The following CPSF4 variants were observed in gnomAD, a reference collection of about 807,000 sequenced individuals.
CPSF4 encodes the protein cleavage and polyadenylation specific factor 4.
In CPSF4, 11 loss-of-function variants were observed where a neutral mutation model predicts 37.7. The observed-to-expected ratio is 0.29, with a 90% CI of 0.18 to 0.48. CPSF4 has a LOEUF of 0.48. Ranked by LOEUF, CPSF4 falls within the 20% of genes least tolerant of loss-of-function variation. The pLI is 0.99. For missense variants in CPSF4, 144 were observed against 359.5 expected (o/e 0.40, Z 4.85); for synonymous variants, 132 against 135.9 (o/e 0.97, Z 0.20).
intron 4 of CPSF4, 44 bp downstream of exon 4, chr7:99,450,415 T>C: frequency 7.2e-7 from 1 of 1,389,704 alleles, no homozygotes; most frequent in African/African-American, 1.4e-5. Flanking sequence ...AAGCCAGTCC[T>C]CCCTTCTCTG....
intron 1 of CPSF4, among the ~76,000 whole-genome samples, chr7:99,440,674 ATTTTTTTTTTTTT>A (rs1195402168): frequency 1.1e-5 from 1 of 88,128 alleles, no homozygotes; most frequent in African/African-American, 9.7e-5. Context: ...ATATATATAT[ATTTTTTTTTTTTT>A]TTTTTTCCTG....
chr7:99,452,763 C>T, intron 6 of CPSF4: 1 of 301,804 alleles, frequency 3.3e-6, no homozygotes, highest in Non-Finnish European at 6.3e-6. Context: ...GGAGGGCGGC[C>T]TGGGCACCGT....
Position 99,439,205 on chromosome 7 carries a change from G to A in CPSF4, c.103+20G>A. 1 of 1,572,002 alleles carries A rather than the reference G, an allele frequency of 6.4e-7. No individual in the cohort carries two copies. The highest frequency in any genetic ancestry group is 8.6e-7 in the Non-Finnish European group (1 of 1,160,082). On this transcript the variant is annotated intron_variant, in intron 1 of 7. Coordinates refer to ENST00000292476, the MANE Select transcript of CPSF4 (RefSeq NM_006693.4). ...TGGACAGTGAGCGCGGGGCCCGGGC[G>A]GGAGGGCAAGAGCGACTCGAACCCG...
At chr7:99,449,648 G>A (rs2151003306) in intron 3 of CPSF4, among the ~76,000 whole-genome samples, 1 of 152,360 alleles carries the variant, frequency 6.6e-6, no homozygotes, top group South Asian at 2.1e-4. Context: ...TCACTCTTGT[G>A]GTCCAGGGAA....
Position 99,442,968 on chromosome 7 carries a change from A to G in CPSF4, c.104-1821A>G, listed in dbSNP as rs1331610168. 3.1e-6 allele frequency: 5 copies of G among 1,594,408 alleles called. No individual in the cohort carries two copies. The East Asian group carries it at 6.7e-5, about 21-fold the overall frequency. On this transcript the variant is annotated intron_variant, in intron 1 of 7. Coordinates refer to ENST00000292476, the MANE Select transcript of CPSF4 (RefSeq NM_006693.4). ...TCCAGTTCCAGCTGAACTTGTGACAATCCCAAATCGCTCCTTCCTCTTTTT... is the reference window on the plus strand; with the variant it reads ...TCCAGTTCCAGCTGAACTTGTGACAGTCCCAAATCGCTCCTTCCTCTTTTT...
chr7:99,447,291 A>G (rs149068859), intron 2 of CPSF4, among the ~76,000 whole-genome samples: 1,581 of 136,154 alleles, frequency 0.012, 25 homozygotes, highest in Admixed American at 0.021. Flanking sequence ...TTTTTGAGAC[A>G]GAGTTTTGTT....
chr7:99,439,996 C>A (rs1227569600), intron 1 of CPSF4, among the ~76,000 whole-genome samples: 1 of 152,196 alleles, frequency 6.6e-6, no homozygotes, highest in Non-Finnish European at 1.5e-5. Flanking sequence ...GGCTTCCCAC[C>A]TCCTACTCGG....
chr7:99,450,846 G>A, intron 5 of CPSF4, 51 bp downstream of exon 5: 2 of 1,382,896 alleles, frequency 1.4e-6, no homozygotes, highest in South Asian at 1.2e-5. Flanking sequence ...CCCAGGCCCT[G>A]CTGCCCTCCG....
At position 99,455,018 on chromosome 7, in the gene CPSF4, G is replaced by A. The variant is rs1270842500; in HGVS notation, c.741+882G>A. 1.2e-4 allele frequency among the ~76,000 whole-genome samples: 18 copies of A among 152,254 alleles called. No individual in the cohort carries two copies. The East Asian group carries it at 3.5e-3, about 29-fold the overall frequency. On this transcript the variant is annotated intron_variant, in intron 7 of 7. Coordinates refer to ENST00000292476, the MANE Select transcript of CPSF4 (RefSeq NM_006693.4). ...TGCAGTGAGCTATGACTGCACCACT[G>A]CACTCCAGCCTGGGCAACAGACTGA... is the stretch of plus-strand genomic sequence containing the variant.
chr7:99,447,776 A>G (rs775131035), intron 2 of CPSF4: 1 of 445,828 alleles, frequency 2.2e-6, no homozygotes. Context: ...TTTTTAGAAG[A>G]GACAGGATTT....
At chr7:99,441,090 A>T (rs1236693838) in intron 1 of CPSF4, among the ~76,000 whole-genome samples, 1 of 151,168 alleles carries the variant, frequency 6.6e-6, no homozygotes, top group Non-Finnish European at 1.5e-5. Context: ...AGCTGGGATT[A>T]TAGGCGCCCA....
intron 2 of CPSF4, 146 bp from the exon 3 acceptor site, chr7:99,447,975 A>AG (rs1797664487): frequency 1.6e-5 from 11 of 690,586 alleles, no homozygotes; most frequent in Non-Finnish European, 2.0e-5. Flanking sequence ...GCCTTCTGTG[A>AG]GGGGGACCTC....
At chr7:99,441,988 G>A (rs553060284) in intron 1 of CPSF4, among the ~76,000 whole-genome samples, 1 of 152,266 alleles carries the variant, frequency 6.6e-6, no homozygotes, top group African/African-American at 2.4e-5. Flanking sequence ...CACCGCACCT[G>A]GCCACTTTCA....
At position 99,438,949 on chromosome 7, in the gene CPSF4, C is replaced by A; in HGVS notation, c.-134C>A. 7.4e-7 allele frequency: 1 copy of A among 1,358,194 alleles called. No individual in the cohort carries two copies. The highest frequency in any genetic ancestry group is 9.4e-7 in the Non-Finnish European group (1 of 1,058,438). 84.1% of individuals were successfully genotyped at this position (1,358,194 alleles called of 1,614,324 possible). ...GCGGGCTCCGGGCGCTCCCGGCATC[C>A]CTCGGGCGGCGGCGGCGGCGGCGGC... is the stretch of plus-strand genomic sequence containing the variant. On this transcript the variant is annotated 5_prime_UTR_variant, in exon 1 of 8. Transcript: ENST00000292476.
In CPSF4 at chr7:99,443,350, C is replaced by A. The variant is rs1255332276; in HGVS notation, c.104-1439C>A. ...TCATCTCCTAGTACATCTTCATTTG[C>A]CTCCTCTTCAGCATGTTCTTCAAGA... On this transcript the variant is annotated intron_variant, in intron 1 of 7. Coordinates refer to ENST00000292476, the MANE Select transcript of CPSF4 (RefSeq NM_006693.4). 3.5e-5 allele frequency: 39 copies of A among 1,105,744 alleles called. 2 individuals carry two copies. Among genetic ancestry groups the A allele is most frequent in the South Asian group, 2.2e-4 (18 of 80,746 alleles). The allele number at this position is 1,105,744 out of a possible 1,614,324, so 68.5% of individuals were successfully genotyped here. A position where few individuals can be genotyped will look rare whatever the true frequency, so the allele number is the denominator to read the frequency against.
intron 3 of CPSF4, among the ~76,000 whole-genome samples, chr7:99,449,499 G>A (rs886621751): frequency 1.3e-5 from 2 of 152,208 alleles, no homozygotes; most frequent in South Asian, 2.1e-4. Flanking sequence ...CCTGAGGGTC[G>A]CTCCTTCCTT....
chr7:99,443,271 G>C (rs764230915), intron 1 of CPSF4: 127 of 783,244 alleles, frequency 1.6e-4, no homozygotes, highest in Non-Finnish European at 2.7e-4. Context: ...CACATCAACA[G>C]TTTTTTTCAG....
intron 2 of CPSF4, chr7:99,447,879 G>A (rs909400454): frequency 1.8e-6 from 1 of 564,454 alleles, no homozygotes; most frequent in African/African-American, 1.9e-5. Context: ...CAAAGTGCTG[G>A]GATTACCAGC....
chr7:99,438,959 C>G lies in CPSF4; in HGVS notation c.-124C>G. On this transcript the variant is annotated 5_prime_UTR_variant, in exon 1 of 8. Coordinates refer to ENST00000292476, the MANE Select transcript of CPSF4 (RefSeq NM_006693.4). ...GGCGCTCCCGGCATCCCTCGGGCGGCGGCGGCGGCGGCGGCGAGGCGAAGC... is the reference window on the plus strand; with the variant it reads ...GGCGCTCCCGGCATCCCTCGGGCGGGGGCGGCGGCGGCGGCGAGGCGAAGC... 1.5e-6 allele frequency: 2 copies of G among 1,328,892 alleles called. No homozygotes were observed. The highest frequency in any genetic ancestry group is 1.9e-6 in the Non-Finnish European group (2 of 1,033,070). The allele number at this position is 1,328,892 out of a possible 1,614,324, so 82.3% of individuals were successfully genotyped here.
Sources: allele counts gnomAD v4.1 joint callset (sites outside exome capture counted in the v4.1 genomes callset), GRCh38; gene constraint gnomAD v4.1.1; transcripts MANE v1.5; gene names NCBI Gene and HGNC (gene_info 2026-07-23, HGNC 2026-07-21).